ERICH1: variants seen among roughly 807,000 people sequenced by gnomAD.
The protein encoded by ERICH1 is glutamate rich 1, also known as glutamate-rich protein 1.
A neutral mutation model predicts 39.6 loss-of-function variants in ERICH1; 56 were observed. The observed-to-expected ratio is 1.41, with a 90% CI of 1.14 to 1.77. The LOEUF (loss-of-function observed/expected upper bound fraction) is 1.77, where lower values mean the gene tolerates loss of function less well. ERICH1 is among the 40% of genes most tolerant of loss of function. The pLI is 0.00. For synonymous variants in ERICH1, 313 were observed against 223.6 expected (o/e 1.40, Z -3.57); for missense variants, 826 against 575.4 (o/e 1.44, Z -4.45).
chr8:729,181 C>T (rs1006214744), intron 1 of ERICH1, among the ~76,000 whole-genome samples: 3 of 152,200 alleles, frequency 2.0e-5, no homozygotes, highest in Admixed American at 2.0e-4. Flanking sequence ...GCAGATGCTC[C>T]GCCAACATCC....
rs1341967239 is a variant in ERICH1 at position 673,665 on chromosome 8, G to T, written c.687C>A (p.Thr229=). Residue 229 remains threonine (T), a synonymous_variant, in exon 4 of 6, where the codon ACC becomes ACA. Coordinates refer to ENST00000262109, the MANE Select transcript of ERICH1 (RefSeq NM_207332.3). ...TAGCGTCCGCACCATCTTCCTCCCT[G>T]GTATCTTTAACGTCTTCCTCCCCGG... ...TLAGEEDVKD[T]REEDGADASE... The T allele has an allele frequency of 2.5e-6, 4 of 1,612,732 alleles. No homozygotes were observed.
chr8:683,753 G>A (rs62487397), intron 3 of ERICH1, among the ~76,000 whole-genome samples: 2,749 of 152,304 alleles, frequency 0.018, 31 homozygotes, highest in Middle Eastern at 0.034. Flanking sequence ...TTTGGATGCC[G>A]GGCGGTGATC....
chr8:623,934 A>T (rs1797440727), intron 3 of ERICH1, among the ~76,000 whole-genome samples: 1 of 152,246 alleles, frequency 6.6e-6, no homozygotes, highest in Non-Finnish European at 1.5e-5. Flanking sequence ...TTTTTGTTGC[A>T]AATGATACCA....
At position 664,426 on chromosome 8, in the gene ERICH1, C is replaced by T. The variant is rs1801883510; in HGVS notation, c.*177G>A. On this transcript the variant is annotated 3_prime_UTR_variant, in exon 6 of 6. Coordinates refer to ENST00000262109, the MANE Select transcript of ERICH1 (RefSeq NM_207332.3). Reference sequence around the variant, plus strand: ...AATAAGTGAAAAATTTCCATTTTACCCCAATTTCTCATCTGAAGCCTCAGA... The same window carrying T: ...AATAAGTGAAAAATTTCCATTTTACTCCAATTTCTCATCTGAAGCCTCAGA... The T allele has an allele frequency of 1.6e-6, 2 of 1,244,202 alleles. No individual in the cohort carries two copies. The highest frequency in any genetic ancestry group is 1.5e-5 in the African/African-American group (1 of 65,042). 77.1% of individuals were successfully genotyped at this position (1,244,202 alleles called of 1,614,324 possible). A position where few individuals can be genotyped will look rare whatever the true frequency, so the allele number is the denominator to read the frequency against.
At chr8:676,571 G>T (rs1021751231) in intron 3 of ERICH1, among the ~76,000 whole-genome samples, 1 of 152,112 alleles carries the variant, frequency 6.6e-6, no homozygotes, top group African/African-American at 2.4e-5. Context: ...CTCCCTGACA[G>T]AAGGGTATCA....
intron 3 of ERICH1, among the ~76,000 whole-genome samples, chr8:658,616 A>T: frequency 6.6e-6 from 1 of 152,136 alleles, no homozygotes. Flanking sequence ...GCATTTGGAG[A>T]CAAGACCTTA....
intron 1 of ERICH1, among the ~76,000 whole-genome samples, chr8:729,731 A>C (rs1206992645): frequency 1.3e-5 from 2 of 152,232 alleles, no homozygotes; most frequent in East Asian, 3.8e-4. Flanking sequence ...TAGGAAAAAA[A>C]GGCTGTTTCG....
chr8:707,152 G>C (rs1813457769), intron 2 of ERICH1, among the ~76,000 whole-genome samples: 1 of 150,648 alleles, frequency 6.6e-6, no homozygotes, highest in South Asian at 2.1e-4. Flanking sequence ...CAATGGAATA[G>C]AATTGAGAGT....
chr8:618,091 G>C (rs1403260863), intron 3 of ERICH1, among the ~76,000 whole-genome samples: 1 of 149,686 alleles, frequency 6.7e-6, no homozygotes, highest in South Asian at 2.1e-4. Flanking sequence ...TTGGTGCTCA[G>C]TCCATCCTCA....
At chr8:717,745 A>C (rs779779009) in intron 1 of ERICH1, among the ~76,000 whole-genome samples, 1 of 152,258 alleles carries the variant, frequency 6.6e-6, no homozygotes, top group Non-Finnish European at 1.5e-5. Flanking sequence ...ATGTGGCTGA[A>C]GTCGCCTCCC....
intron 3 of ERICH1, among the ~76,000 whole-genome samples, chr8:690,331 C>T (rs149999882): frequency 1.3e-5 from 2 of 152,256 alleles, no homozygotes; most frequent in South Asian, 4.1e-4. Context: ...CTTAGGTCTT[C>T]CTGTCCTGGC....
intron 3 of ERICH1, among the ~76,000 whole-genome samples, chr8:627,857 A>G (rs1028545631): frequency 2.4e-4 from 37 of 152,274 alleles, no homozygotes; most frequent in African/African-American, 7.2e-4. Context: ...CAGGAACAGG[A>G]GGGTGAGGAC....
rs1339298156 is a variant in ERICH1, at chr8:664,466, C to G, written c.*137G>C. On this transcript the variant is annotated 3_prime_UTR_variant, in exon 6 of 6. Coordinates refer to ENST00000262109, the MANE Select transcript of ERICH1 (RefSeq NM_207332.3). ...GAAGCCTCAGATGGCATCTTGCCCA[C>G]CAGGAACAAACACGTGAATAAATAA... The G allele has an allele frequency of 1.6e-6, 2 of 1,281,122 alleles. No homozygotes were observed. The highest frequency in any genetic ancestry group is 2.0e-6 in the Non-Finnish European group (2 of 1,011,516). The allele number at this position is 1,281,122 out of a possible 1,614,324, so 79.4% of individuals were successfully genotyped here.
At chr8:669,810 G>A (rs1466760081) in intron 4 of ERICH1, among the ~76,000 whole-genome samples, 1 of 152,252 alleles carries the variant, frequency 6.6e-6, no homozygotes, top group East Asian at 1.9e-4. Flanking sequence ...TCTGGCTGCT[G>A]GTCTTGTTTC....
intron 5 of ERICH1, chr8:667,861 C>T (rs962531723): frequency 7.8e-5 from 12 of 152,906 alleles, no homozygotes; most frequent in African/African-American, 2.9e-4. Flanking sequence ...TCCACAAAAT[C>T]TGCAGAGCCT....
intron 2 of ERICH1, among the ~76,000 whole-genome samples, chr8:706,966 T>C (rs1813423825): frequency 6.6e-6 from 1 of 151,944 alleles, no homozygotes; most frequent in Non-Finnish European, 1.5e-5. Context: ...TTCAAATGAT[T>C]TTTTTTTGCA....
At chr8:723,822 T>C (rs1817921109) in intron 1 of ERICH1, among the ~76,000 whole-genome samples, 1 of 152,264 alleles carries the variant, frequency 6.6e-6, no homozygotes, top group African/African-American at 2.4e-5. Context: ...TGTGGGATTT[T>C]TTTTTCATTT....
chr8:619,301 G>A (rs978372015), intron 3 of ERICH1, among the ~76,000 whole-genome samples: 7 of 152,124 alleles, frequency 4.6e-5, no homozygotes, highest in Non-Finnish European at 8.8e-5. Context: ...CGCGCACGAG[G>A]GGGGCCCGGT....
At chr8:664,060 G>T, downstream of ERICH1, 1 of 232,994 alleles carries the variant, frequency 4.3e-6, no homozygotes, top group Non-Finnish European at 7.0e-6. Flanking sequence ...CACCCGGCCT[G>T]ACTGATGCTT....
Sources: allele counts gnomAD v4.1 joint callset (sites outside exome capture counted in the v4.1 genomes callset), GRCh38; gene constraint gnomAD v4.1.1; transcripts MANE v1.5; gene names NCBI Gene and HGNC (gene_info 2026-07-23, HGNC 2026-07-21).